Variants in C3orf85 observed in about 807,000 individuals in gnomAD.
C3orf85 encodes chromosome 3 open reading frame 85.
A neutral mutation model predicts 1.7 loss-of-function variants in C3orf85; 1 was observed. The observed-to-expected ratio is 0.60, with a 90% CI of 0.21 to 2.86. C3orf85 has a LOEUF of 2.86. Among genes scored for constraint, C3orf85 ranks in the 30% most tolerant of loss-of-function variants. The pLI, the probability that C3orf85 is intolerant of heterozygous loss-of-function variation, is 0.22. For missense variants in C3orf85, 29 were observed against 21.3 expected (o/e 1.36, Z -0.72); for synonymous variants, 17 against 8.0 (o/e 2.13, Z -1.90).
chr3:109,147,906 C>G (rs1383880284), intron 2 of C3orf85, among the ~76,000 whole-genome samples: 1 of 152,142 alleles, frequency 6.6e-6, no homozygotes, highest in Non-Finnish European at 1.5e-5. Context: ...TGCAAGAAAA[C>G]TAAAGTGCGA....
intron 2 of C3orf85, among the ~76,000 whole-genome samples, chr3:109,137,637 G>GTGTGTGTATATATATATATATA (rs751674362): frequency 8.8e-5 from 7 of 79,902 alleles, no homozygotes; most frequent in East Asian, 4.4e-4. Flanking sequence ...GTGTGTGTGT[G>GTGTGTGTATATATATATATATA]TATATATATA....
Position 109,149,809 on chromosome 3 carries a change from G to T in C3orf85, c.188G>T (p.Arg63Leu), listed in dbSNP as rs537684472. Residue 63 changes from arginine to leucine, a missense_variant, in exon 4 of 4, where the codon CGT becomes CTT. Physicochemically the swap from Arg to Leu is moderately radical, Grantham distance 102 (BLOSUM62 -2). Transcript: ENST00000622536. ...TTGTGTTTCCTTTTCTTGAAGGCTC[G>T]TGAAACATGGATTGCTTTGAAAACA... ...VWVNTLAKQA[R>L]ETWIALKTTA... is the part of the protein sequence containing the mutation. 4 of 398,228 alleles carry T rather than the reference G, an allele frequency of 1.0e-5. No individual in the cohort carries two copies. In the East Asian group the frequency reaches 1.1e-4, roughly 11 times the overall value. The allele number at this position is 398,228 out of a possible 1,614,324, so 24.7% of individuals were successfully genotyped here. A position where few individuals can be genotyped will look rare whatever the true frequency, so the allele number is the denominator to read the frequency against.
Position 109,148,403 on chromosome 3 carries a change from C to T in C3orf85, c.183+17C>T. The T allele has an allele frequency of 1.4e-6, 1 of 702,398 alleles. No individual in the cohort carries two copies. Among genetic ancestry groups the T allele is most frequent in the East Asian group, 2.7e-5 (1 of 37,276 alleles). 43.5% of individuals were successfully genotyped at this position (702,398 alleles called of 1,614,324 possible). On this transcript the variant is annotated intron_variant, in intron 3 of 3. Transcript: ENST00000622536. The stretch of plus-strand genomic sequence containing the variant: ...GCTAAGCAGGTATTTGTATTAGAAA[C>T]AAATGGTCCTTCACCATTTATCTTT...
intron 2 of C3orf85, among the ~76,000 whole-genome samples, chr3:109,139,041 C>G (rs955712324): frequency 1.3e-5 from 2 of 152,184 alleles, no homozygotes; most frequent in Admixed American, 6.5e-5. Flanking sequence ...CTCATGACCA[C>G]TCTGAAAATA....
At chr3:109,148,436 G>T (rs1706824635) in intron 3 of C3orf85, 50 bp downstream of exon 3, 1 of 701,524 alleles carries the variant, frequency 1.4e-6, no homozygotes, top group African/African-American at 1.7e-5. Context: ...TTTTTAAATA[G>T]TCATTGCATT....
Position 109,150,511 on chromosome 3 carries a change from T to G in C3orf85, c.*617T>G, listed in dbSNP as rs548201427. The G allele has an allele frequency of 2.6e-5, 4 of 152,348 alleles. No homozygotes were observed. In the South Asian group the frequency reaches 8.3e-4, roughly 32 times the overall value. 9.4% of individuals were successfully genotyped at this position (152,348 alleles called of 1,614,324 possible). ...TCTTCCAAGTTTTGTAAAATTTTTG[T>G]AAGCTTTGCATTCTGTTCCACAATT... On this transcript the variant is annotated 3_prime_UTR_variant, in exon 4 of 4. Coordinates refer to ENST00000622536, the MANE Select transcript of C3orf85 (RefSeq NM_001351622.2).
chr3:109,137,564 C>T (rs942817973), intron 2 of C3orf85, among the ~76,000 whole-genome samples: 1 of 148,802 alleles, frequency 6.7e-6, no homozygotes, highest in South Asian at 2.1e-4. Flanking sequence ...GACTCATGCA[C>T]AAAAATTATA....
chr3:109,138,059 C>T (rs374380295), intron 2 of C3orf85, among the ~76,000 whole-genome samples: 2 of 151,974 alleles, frequency 1.3e-5, no homozygotes, highest in East Asian at 3.9e-4. Context: ...GCTTCAGGGT[C>T]AAAAATATTT....
intron 2 of C3orf85, among the ~76,000 whole-genome samples, chr3:109,146,565 A>T (rs1706801270): frequency 6.6e-6 from 1 of 152,162 alleles, no homozygotes; most frequent in Non-Finnish European, 1.5e-5. Context: ...GAGCAAAAAC[A>T]TCAGGTTCCC....
intron 2 of C3orf85, among the ~76,000 whole-genome samples, chr3:109,144,311 G>T (rs934601234): frequency 2.0e-5 from 3 of 152,102 alleles, no homozygotes; most frequent in Non-Finnish European, 4.4e-5. Context: ...TATATTACTT[G>T]CATTTTTATT....
intron 2 of C3orf85, among the ~76,000 whole-genome samples, chr3:109,145,697 T>G (rs1706790458): frequency 6.6e-6 from 1 of 152,352 alleles, no homozygotes; most frequent in Admixed American, 6.5e-5. Context: ...CCTATCATTT[T>G]CTTATTCAGA....
At chr3:109,137,664 T>TATATAA (rs1706694990) in intron 2 of C3orf85, among the ~76,000 whole-genome samples, 1 of 144,202 alleles carries the variant, frequency 6.9e-6, no homozygotes, top group Non-Finnish European at 1.5e-5. Context: ...TATATATATA[T>TATATAA]ATATAAAATA....
chr3:109,141,098 C>T (rs980471393), intron 2 of C3orf85, among the ~76,000 whole-genome samples: 4 of 152,054 alleles, frequency 2.6e-5, no homozygotes, highest in Admixed American at 6.6e-5. Flanking sequence ...GCGATTCTCC[C>T]GGCTCAGCCT....
Position 109,149,842 on chromosome 3 carries a change from A to G in C3orf85, c.221A>G (p.Gln74Arg), listed in dbSNP as rs1307976377. 1 of 398,594 alleles carries G rather than the reference A, an allele frequency of 2.5e-6. No homozygotes were observed. Among genetic ancestry groups the G allele is most frequent in the Non-Finnish European group, 4.4e-6 (1 of 225,700 alleles). 24.7% of individuals were successfully genotyped at this position (398,594 alleles called of 1,614,324 possible). Reference sequence around the variant, plus strand: ...TGGATTGCTTTGAAAACAACAGCACAGTATTATTTGGATATGAATACCTTC... The same window carrying G: ...TGGATTGCTTTGAAAACAACAGCACGGTATTATTTGGATATGAATACCTTC... ...ETWIALKTTA[Q>R]YYLDMNTFTF... The change falls in exon 4 of 4, where the codon CAG becomes CGG. Residue 74 changes from glutamine (Q) to arginine (R), a missense_variant. Gln to Arg is a conservative substitution (Grantham distance 43). Coordinates refer to ENST00000622536, the MANE Select transcript of C3orf85 (RefSeq NM_001351622.2).
At chr3:109,147,513 C>T (rs1462940812) in intron 2 of C3orf85, among the ~76,000 whole-genome samples, 2 of 152,024 alleles carry the variant, frequency 1.3e-5, no homozygotes, top group African/African-American at 4.8e-5. Context: ...TGTATTGGTT[C>T]GTTATAATTC....
At chr3:109,149,342 T>C (rs1443638885) in intron 3 of C3orf85, 1 of 152,230 alleles carries the variant, frequency 6.6e-6, no homozygotes, top group Non-Finnish European at 1.5e-5. Flanking sequence ...CTGCTTGTTT[T>C]GCACTTGCTG....
intron 2 of C3orf85, among the ~76,000 whole-genome samples, chr3:109,144,214 T>C (rs1435601819): frequency 6.6e-6 from 1 of 152,168 alleles, no homozygotes; most frequent in African/African-American, 2.4e-5. Flanking sequence ...ACCCTGGTCT[T>C]GCTCTCACTA....
At chr3:109,149,304 A>G (rs10933976) in intron 3 of C3orf85, 57,715 of 152,032 alleles carry the variant, frequency 0.38, 13,177 homozygotes, top group East Asian at 0.88. Context: ...TACTCCACAT[A>G]ACTGGGTCTT....
chr3:109,146,497 A>G (rs759030011), intron 2 of C3orf85, among the ~76,000 whole-genome samples: 2 of 152,206 alleles, frequency 1.3e-5, no homozygotes, highest in Non-Finnish European at 2.9e-5. Context: ...CTCTGAATTT[A>G]TTATGACGAT....
Sources: gnomAD v4.1 joint callset for allele counts (sites outside exome capture counted in the v4.1 genomes callset) on GRCh38, gnomAD v4.1.1 for gene constraint, MANE v1.5 for transcripts, NCBI Gene and HGNC (gene_info 2026-07-23, HGNC 2026-07-21) for gene names.